The following PMFBP1 variants were observed in gnomAD, a reference collection of about 807,000 sequenced individuals.
PMFBP1 encodes polyamine-modulated factor 1-binding protein 1.
In PMFBP1, 131 loss-of-function variants were observed where a neutral mutation model predicts 137.8. The observed-to-expected ratio is 0.95, with a 90% confidence interval of 0.82 to 1.10. The LOEUF (loss-of-function observed/expected upper bound fraction) is 1.10. PMFBP1 is among the 50% of genes least tolerant of loss of function. The pLI is 0.00. For synonymous variants in PMFBP1, 490 were observed against 450.4 expected (o/e 1.09, Z -1.11); for missense variants, 1,199 against 1,175.4 (o/e 1.02, Z -0.29).
upstream of PMFBP1, among the ~76,000 whole-genome samples, chr16:72,180,987 TC>T (rs572721910): frequency 3.3e-4 from 50 of 152,258 alleles, no homozygotes; most frequent in East Asian, 6.6e-3. Flanking sequence ...AGGCCTGTAA[TC>T]CCAGCACTTT....
At chr16:72,207,641 G>T in the PMFBP1 span, among the ~76,000 whole-genome samples, 1 of 151,914 alleles carries the variant, frequency 6.6e-6, no homozygotes, top group Non-Finnish European at 1.5e-5. Context: ...CATAGAGCCT[G>T]GCAGGAAAAC....
chr16:72,201,877 C>A, the PMFBP1 span, among the ~76,000 whole-genome samples: 1 of 152,270 alleles, frequency 6.6e-6, no homozygotes, highest in East Asian at 1.9e-4. Flanking sequence ...AGGCCTTCAC[C>A]AAGACCACTT....
At chr16:72,239,502 T>A in the PMFBP1 span, among the ~76,000 whole-genome samples, 1 of 152,224 alleles carries the variant, frequency 6.6e-6, no homozygotes, top group East Asian at 1.9e-4. Context: ...GGGCCTTTCT[T>A]TAAACCTTTT....
chr16:72,234,458 G>T, the PMFBP1 span, among the ~76,000 whole-genome samples: 1 of 152,120 alleles, frequency 6.6e-6, no homozygotes, highest in East Asian at 1.9e-4. Context: ...CTTGGTTAGA[G>T]AATTAAGATG....
the PMFBP1 span, among the ~76,000 whole-genome samples, chr16:72,240,862 ACT>A: frequency 1.3e-5 from 2 of 151,720 alleles, no homozygotes; most frequent in South Asian, 4.2e-4. Flanking sequence ...TAACACAGTA[ACT>A]CTGTTATCTT....
the PMFBP1 span, among the ~76,000 whole-genome samples, chr16:72,214,632 C>T: frequency 6.6e-6 from 1 of 152,152 alleles, no homozygotes; most frequent in African/African-American, 2.4e-5. Context: ...GAGTTCCCAG[C>T]ATAATGATGG....
rs147745263 is a variant in PMFBP1, at chr16:72,148,208, A to C, written c.636+2400T>G. ...TGCAGCCATAAAAAAGGATGAGTTCATGTCCTTTGCAGGTACATGGATGAA... is the reference window on the plus strand; with the variant it reads ...TGCAGCCATAAAAAAGGATGAGTTCCTGTCCTTTGCAGGTACATGGATGAA... On this transcript the variant is annotated intron_variant, in intron 5 of 20. Transcript: ENST00000237353. 9.3e-3 allele frequency among the ~76,000 whole-genome samples: 1,409 copies of C among 152,322 alleles called. 51 individuals carry two copies. The East Asian group carries it at 0.12, about 13-fold the overall frequency.
At chr16:72,205,227 A>G in the PMFBP1 span, among the ~76,000 whole-genome samples, 1 of 152,340 alleles carries the variant, frequency 6.6e-6, no homozygotes, top group East Asian at 1.9e-4. Context: ...CCTAATTTCT[A>G]AAAGCGATCT....
At chr16:72,189,333 A>G in the PMFBP1 span, among the ~76,000 whole-genome samples, 8 of 152,290 alleles carry the variant, frequency 5.3e-5, no homozygotes, top group East Asian at 5.8e-4. Context: ...CGTCCCTTTA[A>G]GCCAGTCCCT....
At chr16:72,161,306 C>T (rs904901998) in intron 3 of PMFBP1, among the ~76,000 whole-genome samples, 1 of 151,906 alleles carries the variant, frequency 6.6e-6, no homozygotes, top group African/African-American at 2.4e-5. Flanking sequence ...TCATGTTGGC[C>T]AGGCTGGTGT....
At chr16:72,217,471 TC>T in the PMFBP1 span, among the ~76,000 whole-genome samples, 1 of 152,180 alleles carries the variant, frequency 6.6e-6, no homozygotes, top group Non-Finnish European at 1.5e-5. Flanking sequence ...AAGGATACTC[TC>T]TCAATATTTT....
the PMFBP1 span, among the ~76,000 whole-genome samples, chr16:72,233,181 T>C: frequency 6.6e-6 from 1 of 152,074 alleles, no homozygotes; most frequent in Non-Finnish European, 1.5e-5. Flanking sequence ...AACTCTTCAT[T>C]AGGACAATTA....
At chr16:72,118,764 G>GT (rs151013978), downstream of PMFBP1, among the ~76,000 whole-genome samples, 4 of 99,602 alleles carry the variant, frequency 4.0e-5, no homozygotes, top group Admixed American at 1.3e-4. Context: ...GGTGGTGGGC[G>GT]GGGGGGCAGG....
At chr16:72,158,663 T>C (rs565476801) in intron 3 of PMFBP1, among the ~76,000 whole-genome samples, 3 of 152,190 alleles carry the variant, frequency 2.0e-5, no homozygotes, top group African/African-American at 4.8e-5. Context: ...TGTGGTAGGG[T>C]TAATTCAGAA....
At chr16:72,125,553 G>T in intron 15 of PMFBP1, 148 bp from the exon 16 acceptor site, 1 of 920,518 alleles carries the variant, frequency 1.1e-6, no homozygotes, top group Non-Finnish European at 1.6e-6. Context: ...AGAGAGGGGT[G>T]GGAAATGACA....
the PMFBP1 span, among the ~76,000 whole-genome samples, chr16:72,249,366 T>G: frequency 1.3e-5 from 2 of 151,392 alleles, no homozygotes; most frequent in South Asian, 4.2e-4. Flanking sequence ...TCCCCAAAGT[T>G]TGAAAAAAAA....
intron 10 of PMFBP1, 93 bp downstream of exon 10, chr16:72,132,655 G>A (rs2144295450): frequency 6.4e-7 from 1 of 1,567,428 alleles, no homozygotes. Flanking sequence ...GAGGGCGAGG[G>A]GAAGTGGCCA....
At chr16:72,141,343 AAAATTAATTTC>A (rs1474808360) in intron 5 of PMFBP1, among the ~76,000 whole-genome samples, 1 of 152,202 alleles carries the variant, frequency 6.6e-6, no homozygotes, top group Non-Finnish European at 1.5e-5. Flanking sequence ...CTCCTCTTTT[AAAATTAATTTC>A]AAATTACATA....
At chr16:72,210,972 A>C in the PMFBP1 span, among the ~76,000 whole-genome samples, 2 of 152,186 alleles carry the variant, frequency 1.3e-5, no homozygotes, top group African/African-American at 4.8e-5. Flanking sequence ...TCCCCTGCCA[A>C]GTGGATTCTT....
Sources: gnomAD v4.1 joint callset for allele counts (sites outside exome capture counted in the v4.1 genomes callset) on GRCh38, gnomAD v4.1.1 for gene constraint, MANE v1.5 for transcripts, NCBI Gene and HGNC (gene_info 2026-07-23, HGNC 2026-07-21) for gene names.